The following MTHFD2L variants were observed in gnomAD, a reference collection of about 807,000 sequenced individuals.
The protein encoded by MTHFD2L is methylenetetrahydrofolate dehydrogenase (NADP+ dependent) 2 like.
A neutral mutation model predicts 34.9 loss-of-function variants in MTHFD2L; 29 were observed. That is an observed-to-expected ratio of 0.83 (90% CI 0.62 to 1.13). The LOEUF (loss-of-function observed/expected upper bound fraction) is 1.13, where lower values mean the gene tolerates loss of function less well. Among genes scored for constraint, MTHFD2L ranks in the 50% most tolerant of loss-of-function variants. The probability of loss-of-function intolerance (pLI) is 0.00; values close to 1 mark genes in which losing one functional copy is unlikely to be tolerated. For synonymous variants in MTHFD2L, 167 were observed against 155.7 expected (o/e 1.07, Z -0.54); for missense variants, 481 against 446.5 (o/e 1.08, Z -0.70).
chr4:74,215,193 C>A (rs931457783), intron 5 of MTHFD2L, among the ~76,000 whole-genome samples: 1 of 151,664 alleles, frequency 6.6e-6, no homozygotes, highest in Non-Finnish European at 1.5e-5. Flanking sequence ...CTTCAGCCCC[C>A]CAGAGTGAAC....
intron 1 of MTHFD2L, among the ~76,000 whole-genome samples, chr4:74,173,239 A>T (rs1015768324): frequency 6.6e-6 from 1 of 152,220 alleles, no homozygotes; most frequent in Non-Finnish European, 1.5e-5. Flanking sequence ...AATGTAATTC[A>T]CCACTTTCAA....
intron 5 of MTHFD2L, among the ~76,000 whole-genome samples, chr4:74,218,811 T>C (rs1737655479): frequency 1.3e-5 from 2 of 152,080 alleles, no homozygotes; most frequent in Non-Finnish European, 2.9e-5. Context: ...ATCTAGATTT[T>C]TACACAATAA....
At chr4:74,188,873 G>A (rs1012902348) in intron 3 of MTHFD2L, among the ~76,000 whole-genome samples, 2 of 150,454 alleles carry the variant, frequency 1.3e-5, no homozygotes, top group Non-Finnish European at 3.0e-5. Context: ...CTAAATGTAT[G>A]CCGTCTATTA....
Position 74,201,122 on chromosome 4 carries a change from A to G in MTHFD2L, c.605-141A>G, listed in dbSNP as rs1319865884. ...AAAATGAATTATTTATAAATAATGA[A>G]TGTGCTCATATTATAGATAAGCCAC... On this transcript the variant is annotated intron_variant, in intron 4 of 7. Transcript: ENST00000325278. 8.6e-6 allele frequency: 5 copies of G among 581,686 alleles called. No individual in the cohort carries two copies. In the East Asian group the frequency reaches 1.4e-4, roughly 17 times the overall value. The allele number at this position is 581,686 out of a possible 1,614,324, so 36.0% of individuals were successfully genotyped here. A position where few individuals can be genotyped will look rare whatever the true frequency, so the allele number is the denominator to read the frequency against.
chr4:74,170,123 T>C (rs377682113), intron 1 of MTHFD2L, among the ~76,000 whole-genome samples: 26 of 152,292 alleles, frequency 1.7e-4, no homozygotes, highest in African/African-American at 6.3e-4. Flanking sequence ...TCTTCCTAAC[T>C]CATTCTATGA....
At chr4:74,160,678 T>C (rs1375093532) in intron 1 of MTHFD2L, 1 of 151,924 alleles carries the variant, frequency 6.6e-6, no homozygotes, top group Non-Finnish European at 1.5e-5. Context: ...AGGTTAAAAA[T>C]GAAAAAAAAA....
At chr4:74,254,749 A>G (rs1361894546) in intron 6 of MTHFD2L, among the ~76,000 whole-genome samples, 8 of 152,064 alleles carry the variant, frequency 5.3e-5, no homozygotes, top group African/African-American at 1.9e-4. Context: ...ACATACTCTA[A>G]TACTCTAACA....
At chr4:74,171,655 TAGTC>T (rs765840108) in intron 1 of MTHFD2L, among the ~76,000 whole-genome samples, 12 of 152,074 alleles carry the variant, frequency 7.9e-5, no homozygotes, top group Non-Finnish European at 1.6e-4. Flanking sequence ...ATACAAAAAT[TAGTC>T]AGGCATGGTG....
At chr4:74,280,632 T>A (rs1314494326) in intron 6 of MTHFD2L, among the ~76,000 whole-genome samples, 1 of 67,332 alleles carries the variant, frequency 1.5e-5, no homozygotes, top group African/African-American at 1.4e-4. Context: ...TGTTCAATGT[T>A]TTTTTTTTTT....
chr4:74,267,737 T>C (rs1745492515), intron 6 of MTHFD2L: 1 of 985,322 alleles, frequency 1.0e-6, no homozygotes, highest in African/African-American at 1.7e-5. Flanking sequence ...TAAGGTTTGA[T>C]TGATGGGAGG....
chr4:74,229,836 T>G (rs1289609110), intron 6 of MTHFD2L, among the ~76,000 whole-genome samples: 1 of 152,148 alleles, frequency 6.6e-6, no homozygotes, highest in Non-Finnish European at 1.5e-5. Flanking sequence ...AATCTCTGAG[T>G]TCACAGAGAG....
At chr4:74,244,704 G>A (rs1447618589) in intron 6 of MTHFD2L, among the ~76,000 whole-genome samples, 1 of 152,110 alleles carries the variant, frequency 6.6e-6, no homozygotes, top group East Asian at 1.9e-4. Context: ...TACAGATTAT[G>A]GAGTATGAAT....
chr4:74,294,914 T>C (rs1327210258), intron 7 of MTHFD2L, among the ~76,000 whole-genome samples: 1 of 151,998 alleles, frequency 6.6e-6, no homozygotes, highest in Non-Finnish European at 1.5e-5. Context: ...GAAAAAGAAT[T>C]TCTTGAGTAA....
intron 1 of MTHFD2L, among the ~76,000 whole-genome samples, chr4:74,172,007 A>G (rs112648192): frequency 6.6e-6 from 1 of 152,218 alleles, no homozygotes; most frequent in Admixed American, 6.5e-5. Flanking sequence ...CCATTCAAAC[A>G]TGCAACTATG....
chr4:74,253,136 A>G (rs1424113441), intron 6 of MTHFD2L, among the ~76,000 whole-genome samples: 2 of 152,170 alleles, frequency 1.3e-5, no homozygotes, highest in African/African-American at 2.4e-5. Flanking sequence ...GAATGGTGCA[A>G]TGAAGAAATT....
upstream of MTHFD2L, among the ~76,000 whole-genome samples, chr4:74,155,022 C>T (rs982732936): frequency 6.6e-6 from 1 of 152,138 alleles, no homozygotes; most frequent in African/African-American, 2.4e-5. Flanking sequence ...AACCTGGCTC[C>T]TATCATCCAC....
chr4:74,213,895 T>C (rs1438770976), intron 5 of MTHFD2L, among the ~76,000 whole-genome samples: 1 of 149,242 alleles, frequency 6.7e-6, no homozygotes, highest in East Asian at 1.9e-4. Flanking sequence ...TCTTGGAGGC[T>C]TTGTTCCTTC....
chr4:74,263,475 A>AT (rs1161402303), intron 6 of MTHFD2L, among the ~76,000 whole-genome samples: 6 of 151,462 alleles, frequency 4.0e-5, no homozygotes, highest in South Asian at 2.1e-4. Context: ...ATGTTTTTCC[A>AT]TTTTTTTTGT....
intron 7 of MTHFD2L, among the ~76,000 whole-genome samples, chr4:74,298,396 C>T (rs148430198): frequency 1.3e-5 from 2 of 152,078 alleles, no homozygotes; most frequent in African/African-American, 4.8e-5. Flanking sequence ...TTTCCACCAG[C>T]GAAGTATGCA....
Sources: gnomAD v4.1 joint callset for allele counts (sites outside exome capture counted in the v4.1 genomes callset) on GRCh38, gnomAD v4.1.1 for gene constraint, MANE v1.5 for transcripts, NCBI Gene and HGNC (gene_info 2026-07-23, HGNC 2026-07-21) for gene names.